HS3ST5: variants seen among roughly 807,000 people sequenced by gnomAD.
The protein encoded by HS3ST5 is heparan sulfate glucosamine 3-O-sulfotransferase 5.
In HS3ST5, 10 loss-of-function variants were observed where a neutral mutation model predicts 25.4. The ratio of observed to expected loss-of-function variants is 0.39; its 90% CI spans 0.24 to 0.67. The LOEUF is 0.67. HS3ST5 is among the 30% of genes least tolerant of loss of function. The pLI is 0.44. For synonymous variants in HS3ST5, 170 were observed against 162.4 expected, an observed-to-expected ratio of 1.05 and a Z score of -0.36; for missense variants, 324 against 420.7, an observed-to-expected ratio of 0.77 and a Z score of 2.01.
intron 2 of HS3ST5, among the ~76,000 whole-genome samples, chr6:114,189,490 A>G (rs1780392235): frequency 6.6e-6 from 1 of 152,100 alleles, no homozygotes; most frequent in Admixed American, 6.6e-5. Context: ...AATTCTTATT[A>G]TTCAGAAATA....
At chr6:114,266,501 G>C (rs1305916834) in intron 1 of HS3ST5, among the ~76,000 whole-genome samples, 2 of 152,140 alleles carry the variant, frequency 1.3e-5, no homozygotes, top group Non-Finnish European at 2.9e-5. Context: ...GTCTGTTCAT[G>C]AGAGAAGCAA....
intron 3 of HS3ST5, among the ~76,000 whole-genome samples, chr6:114,105,773 GTGCACATCTCC>G: frequency 6.6e-6 from 1 of 152,000 alleles, no homozygotes; most frequent in Admixed American, 6.6e-5. Flanking sequence ...ACATAGCTCT[GTGCACATCTCC>G]TGCCATAACT....
intron 4 of HS3ST5, among the ~76,000 whole-genome samples, chr6:114,061,958 T>G (rs1773142811): frequency 6.6e-6 from 1 of 151,908 alleles, no homozygotes; most frequent in South Asian, 2.1e-4. Context: ...AAAAAAAAAT[T>G]TTTTTTTAAG....
chr6:114,231,977 C>T (rs6912671), intron 1 of HS3ST5, among the ~76,000 whole-genome samples: 33,711 of 152,000 alleles, frequency 0.22, 3,889 homozygotes, highest in Middle Eastern at 0.27. Context: ...TAGGAATACC[C>T]TAAACATTTC....
At chr6:114,191,430 G>A (rs529452689) in intron 2 of HS3ST5, among the ~76,000 whole-genome samples, 1 of 152,234 alleles carries the variant, frequency 6.6e-6, no homozygotes, top group African/African-American at 2.4e-5. Context: ...TAGTTGAACA[G>A]GTAACTACAA....
intron 2 of HS3ST5, among the ~76,000 whole-genome samples, chr6:114,193,207 A>G (rs753147255): frequency 6.6e-6 from 1 of 152,228 alleles, no homozygotes; most frequent in Admixed American, 6.5e-5. Flanking sequence ...CATAAGCAGC[A>G]CTGGTGGAAG....
chr6:114,311,880 T>C (rs1362204102), intron 1 of HS3ST5, among the ~76,000 whole-genome samples: 1 of 152,188 alleles, frequency 6.6e-6, no homozygotes, highest in Admixed American at 6.5e-5. Flanking sequence ...ACTAAATCAA[T>C]GCATAATTTC....
At chr6:114,249,773 C>A (rs142218971) in intron 1 of HS3ST5, among the ~76,000 whole-genome samples, 2 of 152,222 alleles carry the variant, frequency 1.3e-5, no homozygotes, top group East Asian at 3.9e-4. Context: ...TACAGATGAG[C>A]CTCTCCATCT....
At chr6:114,060,267 C>T (rs1027699636) in intron 4 of HS3ST5, among the ~76,000 whole-genome samples, 2 of 152,190 alleles carry the variant, frequency 1.3e-5, no homozygotes, top group African/African-American at 2.4e-5. Context: ...CTGCCTCAGC[C>T]TCCCAAAGTG....
intron 1 of HS3ST5, among the ~76,000 whole-genome samples, chr6:114,273,344 G>A (rs1341162611): frequency 1.3e-5 from 2 of 152,012 alleles, no homozygotes; most frequent in East Asian, 1.9e-4. Context: ...GAAAAATTGG[G>A]ATTTGTTTTG....
chr6:114,253,947 A>T (rs990484707), intron 1 of HS3ST5, among the ~76,000 whole-genome samples: 3 of 152,156 alleles, frequency 2.0e-5, no homozygotes, highest in African/African-American at 7.2e-5. Context: ...AGCAATTTAG[A>T]GATTGTGTGC....
At chr6:114,257,456 A>T (rs1331606753) in intron 1 of HS3ST5, among the ~76,000 whole-genome samples, 1 of 152,230 alleles carries the variant, frequency 6.6e-6, no homozygotes, top group East Asian at 1.9e-4. Flanking sequence ...GGGAGGTTAA[A>T]TAACTTATAC....
At chr6:114,082,756 C>T (rs1774531508) in intron 3 of HS3ST5, among the ~76,000 whole-genome samples, 1 of 152,144 alleles carries the variant, frequency 6.6e-6, no homozygotes, top group Non-Finnish European at 1.5e-5. Flanking sequence ...CAACCTTTTT[C>T]GATTACCTGC....
At chr6:114,148,534 T>C (rs570268910) in intron 3 of HS3ST5, among the ~76,000 whole-genome samples, 1 of 152,206 alleles carries the variant, frequency 6.6e-6, no homozygotes, top group Admixed American at 6.5e-5. Context: ...GGCAGGAGAA[T>C]CGCTTGAACC....
intron 1 of HS3ST5, among the ~76,000 whole-genome samples, chr6:114,289,798 A>G (rs1262733046): frequency 6.6e-6 from 1 of 152,158 alleles, no homozygotes; most frequent in Non-Finnish European, 1.5e-5. Context: ...GAACTCAGGA[A>G]AGTTAAAGGA....
intron 1 of HS3ST5, among the ~76,000 whole-genome samples, chr6:114,291,806 G>T (rs1356090909): frequency 6.6e-6 from 1 of 152,144 alleles, no homozygotes; most frequent in African/African-American, 2.4e-5. Flanking sequence ...TAAAGCTCTA[G>T]GGCCTTGAAT....
At chr6:114,236,002 G>T (rs1367846059) in intron 1 of HS3ST5, among the ~76,000 whole-genome samples, 1 of 152,220 alleles carries the variant, frequency 6.6e-6, no homozygotes, top group Non-Finnish European at 1.5e-5. Flanking sequence ...AGTCTGACCA[G>T]AATGAGAGTG....
At chr6:114,218,717 T>G (rs1204380734) in intron 2 of HS3ST5, among the ~76,000 whole-genome samples, 1 of 152,226 alleles carries the variant, frequency 6.6e-6, no homozygotes, top group Non-Finnish European at 1.5e-5. Context: ...TATTACTTGG[T>G]CCCTGTTCAG....
intron 3 of HS3ST5, among the ~76,000 whole-genome samples, chr6:114,088,530 G>T (rs1226814488): frequency 1.3e-5 from 2 of 151,946 alleles, no homozygotes; most frequent in African/African-American, 4.8e-5. Context: ...GGATTCTGAT[G>T]TGTATTTATT....
Sources: gnomAD v4.1 joint callset for allele counts (sites outside exome capture counted in the v4.1 genomes callset) on GRCh38, gnomAD v4.1.1 for gene constraint, MANE v1.5 for transcripts, NCBI Gene and HGNC (gene_info 2026-07-23, HGNC 2026-07-21) for gene names.